Variants in OTOP1 observed in about 807,000 individuals in gnomAD.
OTOP1 encodes proton channel OTOP1.
OTOP1 carries 59 observed loss-of-function variants against 52.9 expected under a neutral mutation model. The ratio of observed to expected loss-of-function variants is 1.12; its 90% CI spans 0.91 to 1.39. The LOEUF is 1.39. Ranked by LOEUF, OTOP1 falls within the 40% of genes most tolerant of loss-of-function variation. The pLI, the probability that OTOP1 is intolerant of heterozygous loss-of-function variation, is 0.00. For missense variants in OTOP1, 761 were observed against 800.9 expected, an observed-to-expected ratio of 0.95 and a Z score of 0.60; for synonymous variants, 317 against 337.7, an observed-to-expected ratio of 0.94 and a Z score of 0.67.
intron 5 of OTOP1, among the ~76,000 whole-genome samples, chr4:4,190,246 G>A (rs1202837138): frequency 6.6e-6 from 1 of 152,184 alleles, no homozygotes; most frequent in Non-Finnish European, 1.5e-5. Flanking sequence ...GCCAAGGCAG[G>A]TGGATCACCT....
At chr4:4,202,619 G>A (rs766170396) in intron 3 of OTOP1, 41 bp from the exon 4 acceptor site, 5 of 1,609,326 alleles carry the variant, frequency 3.1e-6, no homozygotes, top group Non-Finnish European at 1.7e-6. Context: ...AGCCCTGGGA[G>A]AGCCTCAGGC....
intron 5 of OTOP1, among the ~76,000 whole-genome samples, chr4:4,191,200 T>C (rs1716496870): frequency 1.3e-5 from 2 of 152,018 alleles, no homozygotes; most frequent in African/African-American, 2.4e-5. Flanking sequence ...CATCAGCGCA[T>C]CTCCACTCTG....
chr4:4,203,817 C>A (rs576032044), intron 3 of OTOP1, among the ~76,000 whole-genome samples: 2 of 152,328 alleles, frequency 1.3e-5, no homozygotes, highest in East Asian at 3.9e-4. Context: ...CCACAGGAAG[C>A]ATGATTCTGG....
rs774670171 is a variant in OTOP1 at position 4,202,560 on chromosome 4, C to G, written c.618G>C (p.Ser206=). ...CCCACAGAAGCAGGTTGGTGAACAC[C>G]GAGTGGATCACTCCAAACCTGAAAA... is the stretch of plus-strand genomic sequence containing the variant. ...KTLERFGVIH[S]VFTNLLLWAN... The change falls in exon 4 of 6, where the codon TCG becomes TCC. Residue 206 remains serine, a synonymous_variant. Transcript: ENST00000296358. The G allele has an allele frequency of 6.2e-7, 1 of 1,613,962 alleles. No individual in the cohort carries two copies. Among genetic ancestry groups the G allele is most frequent in the Non-Finnish European group, 8.5e-7 (1 of 1,179,918 alleles).
At chr4:4,216,677 GC>G (rs1717159019) in intron 1 of OTOP1, among the ~76,000 whole-genome samples, 1 of 152,208 alleles carries the variant, frequency 6.6e-6, no homozygotes, top group Non-Finnish European at 1.5e-5. Flanking sequence ...CGATCCCAGT[GC>G]TTTGAAATGT....
Position 4,202,431 on chromosome 4 carries a change from C to A in OTOP1, c.730+17G>T. ...TCCAACATGGCAGAAGGGCCACTCA[C>A]CTCTCTCACCACTCACCTGTTGTTA... On this transcript the variant is annotated intron_variant, in intron 4 of 5. Coordinates refer to ENST00000296358, the MANE Select transcript of OTOP1 (RefSeq NM_177998.3). 6.2e-7 allele frequency: 1 copy of A among 1,612,652 alleles called. No homozygotes were observed. Among genetic ancestry groups the A allele is most frequent in the African/African-American group, 1.3e-5 (1 of 74,992 alleles).
intron 1 of OTOP1, among the ~76,000 whole-genome samples, chr4:4,221,444 T>G (rs1717299284): frequency 1.3e-5 from 2 of 151,146 alleles, no homozygotes; most frequent in African/African-American, 4.9e-5. Context: ...AAAAATAAAA[T>G]AAAGAAAGAA....
At chr4:4,225,817 G>A (rs1379090871) in intron 1 of OTOP1, among the ~76,000 whole-genome samples, 2 of 152,152 alleles carry the variant, frequency 1.3e-5, no homozygotes, top group African/African-American at 4.8e-5. Flanking sequence ...GTACAGACAT[G>A]TTGACAAGAA....
chr4:4,211,318 C>T (rs531343072), intron 2 of OTOP1, among the ~76,000 whole-genome samples: 1 of 152,286 alleles, frequency 6.6e-6, no homozygotes, highest in East Asian at 1.9e-4. Context: ...AAAAATATTT[C>T]CAGCAATGGC....
chr4:4,216,244 T>TA (rs1368954974), intron 1 of OTOP1, among the ~76,000 whole-genome samples: 1 of 152,040 alleles, frequency 6.6e-6, no homozygotes, highest in African/African-American at 2.4e-5. Context: ...AACAAACTAA[T>TA]AAAAAATTTG....
intron 1 of OTOP1, among the ~76,000 whole-genome samples, chr4:4,213,714 T>C (rs377385977): frequency 4.6e-5 from 7 of 152,342 alleles, no homozygotes; most frequent in South Asian, 2.1e-4. Flanking sequence ...CATCTATCTG[T>C]TGATGGATGC....
intron 1 of OTOP1, among the ~76,000 whole-genome samples, chr4:4,215,832 C>G (rs1240820169): frequency 6.6e-6 from 1 of 152,022 alleles, no homozygotes; most frequent in African/African-American, 2.4e-5. Flanking sequence ...CTTGTTCTGT[C>G]ACCCAGGCTG....
intron 4 of OTOP1, among the ~76,000 whole-genome samples, chr4:4,201,471 T>TACACACACACACAC (rs762922216): frequency 9.6e-4 from 135 of 140,814 alleles, no homozygotes; most frequent in Admixed American, 1.2e-3. Flanking sequence ...TATATATATA[T>TACACACACACACAC]ACACACACAC....
At chr4:4,216,337 G>A (rs1032978158) in intron 1 of OTOP1, among the ~76,000 whole-genome samples, 6 of 152,156 alleles carry the variant, frequency 3.9e-5, no homozygotes. Flanking sequence ...TGAGAAAAAG[G>A]CAGTGATCAC....
chr4:4,195,046 C>T (rs1716592166), intron 5 of OTOP1, among the ~76,000 whole-genome samples: 1 of 152,180 alleles, frequency 6.6e-6, no homozygotes, highest in Non-Finnish European at 1.5e-5. Context: ...CATACAGCTA[C>T]TGGGAGGATC....
intron 2 of OTOP1, among the ~76,000 whole-genome samples, chr4:4,207,269 A>G (rs1362391220): frequency 6.6e-6 from 1 of 152,220 alleles, no homozygotes; most frequent in Non-Finnish European, 1.5e-5. Flanking sequence ...TAAATTAGCA[A>G]TTATCAGTGA....
chr4:4,215,729 C>T (rs1717131614), intron 1 of OTOP1, among the ~76,000 whole-genome samples: 2 of 152,080 alleles, frequency 1.3e-5, no homozygotes, highest in Admixed American at 6.6e-5. Context: ...TACAGATATA[C>T]AGGAATTCTC....
At chr4:4,206,265 A>G in intron 2 of OTOP1, 135 bp from the exon 3 acceptor site, 2 of 649,978 alleles carry the variant, frequency 3.1e-6, no homozygotes, top group South Asian at 1.8e-5. Flanking sequence ...ACTCCATCTT[A>G]GGTGGCAGTG....
Position 4,221,224 on chromosome 4 carries a change from C to G in OTOP1, c.403+5238G>C, listed in dbSNP as rs868702035. ...CCTCCTGAGTAGCTGGGATTACAGG[C>G]ACTCCACATAGCGAGACCCCTGTCT... On this transcript the variant is annotated intron_variant, in intron 1 of 5. Transcript: ENST00000296358. 3.3e-5 allele frequency among the ~76,000 whole-genome samples: 5 copies of G among 151,880 alleles called. No individual in the cohort carries two copies. In the Middle Eastern group the frequency reaches 0.014, roughly 413 times the overall value.
Sources: gnomAD v4.1 joint callset for allele counts (sites outside exome capture counted in the v4.1 genomes callset) on GRCh38, gnomAD v4.1.1 for gene constraint, MANE v1.5 for transcripts, NCBI Gene and HGNC (gene_info 2026-07-23, HGNC 2026-07-21) for gene names.